The following ENTPD7 variants were observed in gnomAD, a reference collection of about 807,000 sequenced individuals.
ENTPD7 encodes the protein NTPDase 7.
Under a neutral mutation model 77.9 loss-of-function variants are expected in ENTPD7, and 53 were observed. That is an observed-to-expected ratio of 0.68 (90% confidence interval 0.55 to 0.85). The LOEUF is 0.85. Among genes scored for constraint, ENTPD7 ranks in the 40% least tolerant of loss-of-function variants. The pLI is 0.00. For missense variants in ENTPD7, 636 were observed against 743.7 expected (o/e 0.86, Z 1.68); for synonymous variants, 248 against 274.9 (o/e 0.90, Z 0.97).
intron 5 of ENTPD7, among the ~76,000 whole-genome samples, chr10:99,682,972 G>A (rs894379139): frequency 2.0e-4 from 30 of 152,084 alleles, no homozygotes; most frequent in Admixed American, 3.3e-4. Flanking sequence ...GGCACTGTTC[G>A]GTATTACCTC....
At chr10:99,699,314 G>A (rs1371616697) in intron 10 of ENTPD7, among the ~76,000 whole-genome samples, 2 of 152,186 alleles carry the variant, frequency 1.3e-5, no homozygotes, top group Non-Finnish European at 2.9e-5. Context: ...GTGGTATGGG[G>A]TCCCTGGGAA....
chr10:99,680,815 G>A (rs1288467151), intron 5 of ENTPD7, among the ~76,000 whole-genome samples: 1 of 152,096 alleles, frequency 6.6e-6, no homozygotes, highest in Non-Finnish European at 1.5e-5. Flanking sequence ...GGGCTCAAGT[G>A]ATCCGCTTGC....
chr10:99,704,738 T>C lies in ENTPD7; in HGVS notation c.*55T>C, dbSNP rs1189669591. 2.0e-6 allele frequency: 3 copies of C among 1,486,478 alleles called. No individual in the cohort carries two copies. Among genetic ancestry groups the C allele is most frequent in the Non-Finnish European group, 2.8e-6 (3 of 1,085,444 alleles). 92.1% of individuals were successfully genotyped at this position (1,486,478 alleles called of 1,614,324 possible). A position where few individuals can be genotyped will look rare whatever the true frequency, so the allele number is the denominator to read the frequency against. On this transcript the variant is annotated 3_prime_UTR_variant, in exon 13 of 13. Transcript: ENST00000370489. The stretch of plus-strand genomic sequence containing the variant: ...ACCCCCGAGTTGCTGCTCATTGAAT[T>C]CCTCCACTTTCTTATATAGCCTCAG...
chr10:99,661,423 T>TA (rs1487253190), intron 2 of ENTPD7, 23 bp from the exon 3 acceptor site: 6 of 1,577,226 alleles, frequency 3.8e-6, no homozygotes, highest in Non-Finnish European at 5.2e-6. Context: ...GTTTCAGACT[T>TA]ACTAATGTTT....
chr10:99,699,002 G>A, intron 10 of ENTPD7, 144 bp downstream of exon 10: 1 of 728,022 alleles, frequency 1.4e-6, no homozygotes, highest in Non-Finnish European at 2.2e-6. Context: ...TCATTTTACA[G>A]ATGAGGAAGT....
At chr10:99,700,920 T>G in intron 10 of ENTPD7, 53 bp from the exon 11 acceptor site, 1 of 1,428,598 alleles carries the variant, frequency 7.0e-7, no homozygotes, top group Non-Finnish European at 9.9e-7. Flanking sequence ...GTGGGGAAGG[T>G]AGAGAGTTTG....
chr10:99,659,643 G>A lies in ENTPD7; in HGVS notation c.-96+55G>A, dbSNP rs914106237. 8.6e-5 allele frequency: 23 copies of A among 266,242 alleles called. No homozygotes were observed. Among genetic ancestry groups the A allele is most frequent in the African/African-American group, 4.9e-4 (22 of 44,900 alleles). The allele number at this position is 266,242 out of a possible 1,614,324, so 16.5% of individuals were successfully genotyped here. ...CCCGGAGGGACGGGGAGAGGAAGCGGGACCCACACCCCGCCACCTGGGGAC... is the reference window on the plus strand; with the variant it reads ...CCCGGAGGGACGGGGAGAGGAAGCGAGACCCACACCCCGCCACCTGGGGAC... On this transcript the variant is annotated intron_variant, in intron 1 of 12. Transcript: ENST00000370489. The surrounding 1 kb of genome is among the most constrained non-coding windows in gnomAD (Gnocchi z 4.1).
rs979975478 is a variant in ENTPD7 at position 99,709,019 on chromosome 10, G to A, written c.*4336G>A. The A allele has an allele frequency of 1.0e-6, 1 of 984,816 alleles. No individual in the cohort carries two copies. Among genetic ancestry groups the A allele is most frequent in the African/African-American group, 1.7e-5 (1 of 57,184 alleles). 61.0% of individuals were successfully genotyped at this position (984,816 alleles called of 1,614,324 possible). A position where few individuals can be genotyped will look rare whatever the true frequency, so the allele number is the denominator to read the frequency against. On this transcript the variant is annotated 3_prime_UTR_variant, in exon 13 of 13. Coordinates refer to ENST00000370489, the MANE Select transcript of ENTPD7 (RefSeq NM_020354.5). ...TGAAAAAAATACTTTGTCAGAAATA[G>A]TGCCAAGTTTTCACTACATCTATTC... is the stretch of plus-strand genomic sequence containing the variant.
chr10:99,679,405 G>T lies in ENTPD7; in HGVS notation c.336G>T (p.Leu112Phe). The T allele has an allele frequency of 6.2e-7, 1 of 1,614,110 alleles. No homozygotes were observed. ...WPRHNGNPHD[L>F]LDIKQMRDRN... ...GACATAATGGGAACCCCCATGACTT[G>T]CTGGACATCAAACAGATGAGAGACC... Residue 112 changes from leucine to phenylalanine, a missense_variant, in exon 4 of 13, where the codon TTG becomes TTT. By Grantham distance (22) the Leu-to-Phe change is conservative. Transcript: ENST00000370489.
chr10:99,667,464 AG>A (rs1265595482), intron 3 of ENTPD7, among the ~76,000 whole-genome samples: 1 of 152,254 alleles, frequency 6.6e-6, no homozygotes, highest in African/African-American at 2.4e-5. Flanking sequence ...GTATAGAATC[AG>A]GAGTGAAGAA....
At position 99,695,938 on chromosome 10, in the gene ENTPD7, C is replaced by G. The variant is rs746168281; in HGVS notation, c.844-18C>G. 1.5e-5 allele frequency: 23 copies of G among 1,577,738 alleles called. No homozygotes were observed. The highest frequency in any genetic ancestry group is 2.0e-5 in the Non-Finnish European group (23 of 1,165,004). On this transcript the variant is annotated intron_variant, in intron 8 of 12. Coordinates refer to ENST00000370489, the MANE Select transcript of ENTPD7 (RefSeq NM_020354.5). ...ACCAAAACTAAAATTCCCTTTTTCT[C>G]TTGGTATTGTATTATAGGAAGAAGC...
intron 3 of ENTPD7, among the ~76,000 whole-genome samples, chr10:99,677,359 C>CTTTTTT (rs560338561): frequency 2.2e-4 from 21 of 93,788 alleles, no homozygotes; most frequent in East Asian, 3.1e-4. Flanking sequence ...GGGCAGATAG[C>CTTTTTT]TTTTTTTTTT....
chr10:99,711,023 A>T lies in ENTPD7; in HGVS notation c.*6340A>T. The T allele has an allele frequency of 1.0e-5, 10 of 985,274 alleles. No individual in the cohort carries two copies. Among genetic ancestry groups the T allele is most frequent in the Non-Finnish European group, 1.1e-5 (9 of 829,800 alleles). The allele number at this position is 985,274 out of a possible 1,614,324, so 61.0% of individuals were successfully genotyped here. A position where few individuals can be genotyped will look rare whatever the true frequency, so the allele number is the denominator to read the frequency against. ...AAAGGTATTTGGAACATCAATCTGT[A>T]ATTATCCATTTTCCATTCATGCATT... On this transcript the variant is annotated 3_prime_UTR_variant, in exon 13 of 13. Coordinates refer to ENST00000370489, the MANE Select transcript of ENTPD7 (RefSeq NM_020354.5).
At position 99,666,513 on chromosome 10, in the gene ENTPD7, C is replaced by T. The variant is rs2035552944; in HGVS notation, c.191+4885C>T. 2.0e-5 allele frequency among the ~76,000 whole-genome samples: 3 copies of T among 152,162 alleles called. No homozygotes were observed. The South Asian group carries it at 6.2e-4, about 31-fold the overall frequency. The stretch of plus-strand genomic sequence containing the variant: ...CATGAGCCATCGTGCCCAGCCAGAA[C>T]TGCTTCTTAAAGAAAGCTCACTTTG... On this transcript the variant is annotated intron_variant, in intron 3 of 12. Transcript: ENST00000370489.
Position 99,707,948 on chromosome 10 carries a change from GT to G in ENTPD7, c.*3267del, listed in dbSNP as rs2036285095. Among the ~76,000 whole-genome samples, 1 of 152,120 alleles carries G rather than the reference GT, an allele frequency of 6.6e-6. No individual in the cohort carries two copies. Among genetic ancestry groups the G allele is most frequent in the Non-Finnish European group, 1.5e-5 (1 of 68,026 alleles). ...ATTCAGGGGGTACAAGTGCAGGTTT[GT>G]TACATGAGTATATTGAGTGATGCTG... On this transcript the variant is annotated 3_prime_UTR_variant, in exon 13 of 13. Transcript: ENST00000370489.
intron 3 of ENTPD7, among the ~76,000 whole-genome samples, chr10:99,677,024 C>G (rs1319131553): frequency 2.0e-5 from 3 of 152,074 alleles, no homozygotes; most frequent in African/African-American, 7.2e-5. Context: ...ATCAAGTTTG[C>G]TTTTCTGCCC....
intron 8 of ENTPD7, among the ~76,000 whole-genome samples, chr10:99,693,466 CGAA>C (rs1197785467): frequency 6.6e-6 from 1 of 152,070 alleles, no homozygotes. Flanking sequence ...ACAGGTAAAA[CGAA>C]GGCATGGATC....
At position 99,688,730 on chromosome 10, in the gene ENTPD7, G is replaced by A; in HGVS notation, c.689G>A (p.Gly230Glu). Residue 230 changes from glycine (G) to glutamate (E), a missense_variant, in exon 7 of 13, where the codon GGA becomes GAA. Physicochemically the swap from Gly to Glu is moderately conservative, Grantham distance 98 (BLOSUM62 -2). This residue lies in a region of ENTPD7 where 486 missense variants were observed against 556.5 expected (regional missense o/e 0.87). Coordinates refer to ENST00000370489, the MANE Select transcript of ENTPD7 (RefSeq NM_020354.5). ...TGGATTGGAATCAACTTTGTTTTGG[G>A]AAGATTCGACCACGAGGATGGTGAG... ...YAWIGINFVL[G>E]RFDHEDESDA... 8 of 1,613,946 alleles carry A rather than the reference G, an allele frequency of 5.0e-6. No individual in the cohort carries two copies. Among genetic ancestry groups the A allele is most frequent in the Non-Finnish European group, 6.8e-6 (8 of 1,179,896 alleles).
intron 3 of ENTPD7, among the ~76,000 whole-genome samples, chr10:99,678,710 G>C (rs2035715719): frequency 6.8e-6 from 1 of 146,742 alleles, no homozygotes; most frequent in African/African-American, 2.5e-5. Flanking sequence ...TTGGGAGGCA[G>C]AGGTTGCAGT....
Sources: gnomAD v4.1 joint callset for allele counts (sites outside exome capture counted in the v4.1 genomes callset) on GRCh38, gnomAD v4.1.1 for gene constraint, gnomAD v4.1.1 regional missense constraint, Gnocchi (gnomAD v3.1) non-coding constraint, MANE v1.5 for transcripts, NCBI Gene and HGNC (gene_info 2026-07-23, HGNC 2026-07-21) for gene names.